The following NALF1 variants were observed in gnomAD, a reference collection of about 807,000 sequenced individuals.
The protein encoded by NALF1 is family with sequence similarity 155 member A.
NALF1 carries 3 observed loss-of-function variants against 48.4 expected under a neutral mutation model. The ratio of observed to expected loss-of-function variants is 0.06; its 90% CI spans 0.03 to 0.16. NALF1 has a LOEUF of 0.16. NALF1 is among the 10% of genes least tolerant of loss of function. The pLI, the probability that NALF1 is intolerant of heterozygous loss-of-function variation, is 1.00. For missense variants in NALF1, 526 were observed against 571.5 expected (o/e 0.92, Z 0.81); for synonymous variants, 262 against 245.7 (o/e 1.07, Z -0.62).
intron 1 of NALF1, among the ~76,000 whole-genome samples, chr13:107,663,179 G>C (rs1594191937): frequency 1.3e-5 from 2 of 152,274 alleles, no homozygotes; most frequent in East Asian, 3.9e-4. Context: ...AATGTACTAA[G>C]ATATTTCATT....
intron 1 of NALF1, among the ~76,000 whole-genome samples, chr13:107,452,565 G>A (rs1884760515): frequency 1.3e-5 from 2 of 152,152 alleles, no homozygotes; most frequent in African/African-American, 4.8e-5. Flanking sequence ...ACCTGGACAT[G>A]TGAGGATTAT....
intron 1 of NALF1, among the ~76,000 whole-genome samples, chr13:107,379,098 C>T (rs1883388724): frequency 6.6e-6 from 1 of 152,090 alleles, no homozygotes; most frequent in East Asian, 1.9e-4. Flanking sequence ...ACTTACAGGG[C>T]CCCTTTAAAA....
At chr13:107,307,727 T>C (rs7326683) in intron 1 of NALF1, among the ~76,000 whole-genome samples, 145,080 of 151,910 alleles carry the variant, frequency 0.96, 69,437 homozygotes, top group South Asian at 0.99. Flanking sequence ...CAGTCTTAAG[T>C]CTCTACTGTT....
intron 1 of NALF1, among the ~76,000 whole-genome samples, chr13:107,672,436 A>T (rs1473505863): frequency 6.6e-6 from 1 of 152,142 alleles, no homozygotes; most frequent in Non-Finnish European, 1.5e-5. Flanking sequence ...CCCTGTAGAC[A>T]CGGTGGTGAA....
chr13:107,353,560 G>A (rs75351189), intron 1 of NALF1, among the ~76,000 whole-genome samples: 2,780 of 152,136 alleles, frequency 0.018, 33 homozygotes, highest in African/African-American at 0.033. Context: ...TAATAATGTC[G>A]AAATTCATAA....
chr13:107,213,018 T>C (rs1879793588), intron 1 of NALF1, among the ~76,000 whole-genome samples: 1 of 151,994 alleles, frequency 6.6e-6, no homozygotes, highest in African/African-American at 2.4e-5. Flanking sequence ...GGGTTCTGAA[T>C]AGGGAATCGC....
chr13:107,656,241 T>C (rs9559121), intron 1 of NALF1, among the ~76,000 whole-genome samples: 63,192 of 150,698 alleles, frequency 0.42, 14,458 homozygotes, highest in East Asian at 0.66. Context: ...TGGGAAAAAA[T>C]CTTCACAATC....
At chr13:107,322,901 G>A (rs1490951378) in intron 1 of NALF1, among the ~76,000 whole-genome samples, 2 of 152,066 alleles carry the variant, frequency 1.3e-5, no homozygotes, top group Non-Finnish European at 2.9e-5. Context: ...AGAGTCAAGG[G>A]TGTTCCTGTT....
chr13:107,502,519 C>G (rs1052754652), intron 1 of NALF1, among the ~76,000 whole-genome samples: 1 of 152,118 alleles, frequency 6.6e-6, no homozygotes, highest in Non-Finnish European at 1.5e-5. Flanking sequence ...CCATGGAAAC[C>G]ACCTGTTCCA....
At chr13:107,713,876 T>A (rs987167122) in intron 1 of NALF1, among the ~76,000 whole-genome samples, 1 of 152,194 alleles carries the variant, frequency 6.6e-6, no homozygotes, top group Non-Finnish European at 1.5e-5. Flanking sequence ...CCTTGAATTT[T>A]AAAAAATGCA....
chr13:107,772,877 A>G (rs1347251981), intron 1 of NALF1, among the ~76,000 whole-genome samples: 1 of 152,150 alleles, frequency 6.6e-6, no homozygotes, highest in Non-Finnish European at 1.5e-5. Context: ...TCTGTATAAA[A>G]TCTCTACCAT....
In NALF1 at chr13:107,669,938, G is replaced by A. The variant is rs138186116; in HGVS notation, c.915+195744C>T. On this transcript the variant is annotated intron_variant, in intron 1 of 2. Coordinates refer to ENST00000375915, the MANE Select transcript of NALF1 (RefSeq NM_001080396.3). ...TGCAAATCCTCCCTTATGAAAGCTC[G>A]ACTCAACCGAAATGATGTTTGGAAT... 3.9e-3 allele frequency among the ~76,000 whole-genome samples: 600 copies of A among 152,068 alleles called. 6 individuals carry two copies. The highest frequency in any genetic ancestry group is 6.1e-3 in the Non-Finnish European group (414 of 67,970).
intron 1 of NALF1, among the ~76,000 whole-genome samples, chr13:107,449,937 C>T (rs1421649467): frequency 6.6e-6 from 1 of 152,138 alleles, no homozygotes; most frequent in Non-Finnish European, 1.5e-5. Context: ...TCCATGAACA[C>T]ACTCTCATTT....
intron 1 of NALF1, among the ~76,000 whole-genome samples, chr13:107,446,404 T>TTC (rs1884651135): frequency 8.5e-6 from 1 of 117,616 alleles, no homozygotes; most frequent in African/African-American, 3.2e-5. Context: ...CATAATTAAA[T>TTC]TCACACACAC....
intron 1 of NALF1, among the ~76,000 whole-genome samples, chr13:107,429,299 G>A (rs1884334433): frequency 6.7e-6 from 1 of 149,934 alleles, no homozygotes; most frequent in African/African-American, 2.5e-5. Flanking sequence ...TCCAGCCTGG[G>A]CAACAAGAGT....
intron 1 of NALF1, among the ~76,000 whole-genome samples, chr13:107,846,711 G>A (rs1880182451): frequency 6.6e-6 from 1 of 152,190 alleles, no homozygotes; most frequent in South Asian, 2.1e-4. Context: ...AATAGCTGAG[G>A]AGGAGTTTCC....
intron 1 of NALF1, among the ~76,000 whole-genome samples, chr13:107,629,621 C>CATTTTTGATAA (rs1879778489): frequency 6.6e-6 from 1 of 152,088 alleles, no homozygotes; most frequent in Non-Finnish European, 1.5e-5. Context: ...TCTCTCTTCT[C>CATTTTTGATAA]ACTTTTTATC....
At chr13:107,192,254 G>T (rs1161890494) in intron 2 of NALF1, among the ~76,000 whole-genome samples, 7 of 152,196 alleles carry the variant, frequency 4.6e-5, no homozygotes, top group Admixed American at 3.3e-4. Context: ...CACCAGCTGT[G>T]GGGGTCTGAC....
rs532154142 is a variant in NALF1 at position 107,265,749 on chromosome 13, T to G, written c.916-54994A>C. The stretch of plus-strand genomic sequence containing the variant: ...TTAATGGAAACATATTTAAAGACAT[T>G]TTTACAATACTTTGGTCTATGAATA... On this transcript the variant is annotated intron_variant, in intron 1 of 2. Coordinates refer to ENST00000375915, the MANE Select transcript of NALF1 (RefSeq NM_001080396.3). Among the ~76,000 whole-genome samples, 20 of 152,292 alleles carry G rather than the reference T, an allele frequency of 1.3e-4. No individual in the cohort carries two copies. The East Asian group carries it at 3.5e-3, about 26-fold the overall frequency.
Sources: allele counts gnomAD v4.1 joint callset (sites outside exome capture counted in the v4.1 genomes callset), GRCh38; gene constraint gnomAD v4.1.1; transcripts MANE v1.5; gene names NCBI Gene and HGNC (gene_info 2026-07-23, HGNC 2026-07-21).